CDH13: variants seen among roughly 807,000 people sequenced by gnomAD.
CDH13 encodes cadherin-13.
A neutral mutation model predicts 63.8 loss-of-function variants in CDH13; 24 were observed. The ratio of observed to expected loss-of-function variants is 0.38; its 90% CI spans 0.27 to 0.53. CDH13 has a LOEUF of 0.53. Ranked by LOEUF, CDH13 falls within the 20% of genes least tolerant of loss-of-function variation. The pLI is 0.85. For missense variants in CDH13, 1,049 were observed against 903.1 expected (o/e 1.16, Z -2.07); for synonymous variants, 503 against 355.3 (o/e 1.42, Z -4.67).
At chr16:82,914,979 G>A (rs544803507) in intron 2 of CDH13, among the ~76,000 whole-genome samples, 5 of 152,338 alleles carry the variant, frequency 3.3e-5, no homozygotes, top group African/African-American at 1.2e-4. Flanking sequence ...ACTTAACAGG[G>A]ACAGTGAATG....
chr16:83,035,638 C>G (rs1382817140), intron 3 of CDH13, among the ~76,000 whole-genome samples: 2 of 152,164 alleles, frequency 1.3e-5, no homozygotes, highest in Non-Finnish European at 2.9e-5. Flanking sequence ...GCCTCCAACC[C>G]CTGCATGAGC....
At chr16:83,497,228 A>G (rs9927823) in intron 7 of CDH13, among the ~76,000 whole-genome samples, 148,681 of 151,236 alleles carry the variant, frequency 0.98, 73,115 homozygotes, top group East Asian at 1. Flanking sequence ...TTATTGCGGC[A>G]CTATTCACAA....
intron 7 of CDH13, among the ~76,000 whole-genome samples, chr16:83,551,088 C>CTATG (rs2075484551): frequency 2.6e-5 from 4 of 151,814 alleles, no homozygotes; most frequent in Non-Finnish European, 5.9e-5. Flanking sequence ...ATCTATCTAT[C>CTATG]TATCTATCTT....
At chr16:83,494,434 T>C (rs909521864) in intron 7 of CDH13, among the ~76,000 whole-genome samples, 3 of 152,200 alleles carry the variant, frequency 2.0e-5, no homozygotes, top group Non-Finnish European at 4.4e-5. Context: ...AAATTCCTGT[T>C]GTCAGTGAAA....
At chr16:83,024,923 A>C (rs1279740613) in intron 2 of CDH13, among the ~76,000 whole-genome samples, 3 of 152,230 alleles carry the variant, frequency 2.0e-5, no homozygotes. Flanking sequence ...AGCCTGAATC[A>C]GAATCATCAG....
intron 2 of CDH13, among the ~76,000 whole-genome samples, chr16:82,915,749 C>T (rs969375657): frequency 4.6e-5 from 7 of 151,514 alleles, no homozygotes; most frequent in African/African-American, 1.5e-4. Flanking sequence ...CCTTGTAAAG[C>T]TGATTCTTCC....
At chr16:82,930,211 A>G (rs2042445479) in intron 2 of CDH13, among the ~76,000 whole-genome samples, 1 of 152,016 alleles carries the variant, frequency 6.6e-6, no homozygotes, top group Non-Finnish European at 1.5e-5. Context: ...TCCTGGCCTT[A>G]AGAGATTCAC....
At chr16:83,565,932 ATCTT>A (rs1269736123) in intron 7 of CDH13, among the ~76,000 whole-genome samples, 3 of 152,032 alleles carry the variant, frequency 2.0e-5, no homozygotes, top group Non-Finnish European at 4.4e-5. Flanking sequence ...AACTTGTCTG[ATCTT>A]TCTTCTTTCA....
chr16:82,670,139 C>T (rs1036001078), intron 1 of CDH13, among the ~76,000 whole-genome samples: 1 of 152,148 alleles, frequency 6.6e-6, no homozygotes, highest in Admixed American at 6.5e-5. Context: ...ACTGCCCACT[C>T]CAGTGCCTGA....
At chr16:83,195,286 G>A (rs976216164) in intron 4 of CDH13, among the ~76,000 whole-genome samples, 3 of 152,144 alleles carry the variant, frequency 2.0e-5, no homozygotes, top group African/African-American at 4.8e-5. Flanking sequence ...TATAATATGT[G>A]TATTATAGTC....
intron 7 of CDH13, among the ~76,000 whole-genome samples, chr16:83,532,098 G>T (rs1017337454): frequency 1.3e-5 from 2 of 152,138 alleles, no homozygotes; most frequent in African/African-American, 4.8e-5. Flanking sequence ...CCTTGCACAA[G>T]AGCTCTTCTC....
intron 1 of CDH13, among the ~76,000 whole-genome samples, chr16:82,804,736 T>A (rs572300310): frequency 2.0e-5 from 3 of 152,268 alleles, no homozygotes; most frequent in Admixed American, 2.0e-4. Context: ...GAAAACACTT[T>A]CCCCAAATAG....
intron 2 of CDH13, among the ~76,000 whole-genome samples, chr16:82,898,101 C>T (rs1436810161): frequency 1.3e-5 from 2 of 152,180 alleles, no homozygotes; most frequent in Admixed American, 6.5e-5. Flanking sequence ...TTTAAAATCT[C>T]ATGAATAGTT....
At chr16:82,635,921 G>A (rs1908598942) in intron 1 of CDH13, among the ~76,000 whole-genome samples, 1 of 152,048 alleles carries the variant, frequency 6.6e-6, no homozygotes, top group Non-Finnish European at 1.5e-5. Context: ...CCTGCTTGCT[G>A]TGTGAAGACG....
At chr16:82,775,027 G>C (rs1334805648) in intron 1 of CDH13, among the ~76,000 whole-genome samples, 2 of 152,222 alleles carry the variant, frequency 1.3e-5, no homozygotes, top group Non-Finnish European at 2.9e-5. Context: ...TGGCCCTAGA[G>C]ACTGTAATCC....
intron 5 of CDH13, among the ~76,000 whole-genome samples, chr16:83,292,789 A>T (rs966959991): frequency 6.6e-6 from 1 of 152,194 alleles, no homozygotes; most frequent in Non-Finnish European, 1.5e-5. Context: ...TTGAACGATT[A>T]TATTAGTTTA....
At chr16:83,473,612 C>T (rs1158177179) in intron 6 of CDH13, among the ~76,000 whole-genome samples, 1 of 152,128 alleles carries the variant, frequency 6.6e-6, no homozygotes, top group Non-Finnish European at 1.5e-5. Flanking sequence ...GCTTCTGGAC[C>T]TAGCCTAAAG....
intron 1 of CDH13, among the ~76,000 whole-genome samples, chr16:82,769,884 A>G (rs1320978813): frequency 1.3e-5 from 2 of 152,232 alleles, no homozygotes; most frequent in Non-Finnish European, 2.9e-5. Flanking sequence ...TAAGTCAGAG[A>G]GGAAATTTGA....
In CDH13 at chr16:83,773,522, A is replaced by T. The variant is rs201980128; in HGVS notation, c.1682-6446A>T. Among the ~76,000 whole-genome samples the T allele has an allele frequency of 4.6e-5, 7 of 152,192 alleles. No homozygotes were observed. The East Asian group carries it at 1.2e-3, about 25-fold the overall frequency. ...TATAAAACCATCCGATCTCATGAGA[A>T]CTCACTCACTATCAAGAGAACAGCA... On this transcript the variant is annotated intron_variant, in intron 11 of 13. Transcript: ENST00000567109.
Sources: allele counts gnomAD v4.1 joint callset (sites outside exome capture counted in the v4.1 genomes callset), GRCh38; gene constraint gnomAD v4.1.1; transcripts MANE v1.5; gene names NCBI Gene and HGNC (gene_info 2026-07-23, HGNC 2026-07-21).